LRP1B: variants seen among roughly 807,000 people sequenced by gnomAD.
LRP1B encodes the protein low-density lipoprotein receptor-related protein 1B.
A neutral mutation model predicts 556.6 loss-of-function variants in LRP1B; 217 were observed. The ratio of observed to expected loss-of-function variants is 0.39; its 90% CI spans 0.35 to 0.44. LRP1B has a LOEUF of 0.44. Ranked by LOEUF, LRP1B falls within the 20% of genes least tolerant of loss-of-function variation. The pLI is 1.00. For synonymous variants in LRP1B, 2,047 were observed against 1,865.8 expected, an observed-to-expected ratio of 1.10 and a Z score of -2.50; for missense variants, 5,053 against 5,620.8, an observed-to-expected ratio of 0.90 and a Z score of 3.23.
At chr2:141,539,843 T>G (rs1251903698) in intron 2 of LRP1B, among the ~76,000 whole-genome samples, 1 of 152,182 alleles carries the variant, frequency 6.6e-6, no homozygotes, top group African/African-American at 2.4e-5. Flanking sequence ...ACAAATCTTT[T>G]GACCTTTTTC....
chr2:140,512,867 T>C (rs1229622856), intron 51 of LRP1B, among the ~76,000 whole-genome samples: 2 of 152,128 alleles, frequency 1.3e-5, no homozygotes, highest in African/African-American at 2.4e-5. Flanking sequence ...TGTTCTAAAA[T>C]AGGAGGTTCA....
At chr2:141,995,450 T>C (rs747266681) in intron 1 of LRP1B, among the ~76,000 whole-genome samples, 6 of 152,184 alleles carry the variant, frequency 3.9e-5, no homozygotes, top group East Asian at 1.9e-4. Context: ...GCGGCCCCTG[T>C]GATTACATTG....
At chr2:141,587,831 AAAC>A (rs1687196872) in intron 2 of LRP1B, among the ~76,000 whole-genome samples, 1 of 152,210 alleles carries the variant, frequency 6.6e-6, no homozygotes, top group South Asian at 2.1e-4. Context: ...AAGAAATAAA[AAAC>A]AATACAAGTA....
intron 82 of LRP1B, among the ~76,000 whole-genome samples, chr2:140,315,821 T>G (rs1684497782): frequency 6.6e-6 from 1 of 152,174 alleles, no homozygotes; most frequent in Admixed American, 6.6e-5. Context: ...TAGAGAAATG[T>G]TTACATGAAG....
intron 84 of LRP1B, among the ~76,000 whole-genome samples, chr2:140,293,130 C>T (rs1683460563): frequency 2.0e-5 from 3 of 152,114 alleles, no homozygotes; most frequent in Admixed American, 2.0e-4. Context: ...TTGAAAGTAT[C>T]AGTGAGAGAA....
At chr2:140,761,954 C>A (rs1463072084) in intron 35 of LRP1B, among the ~76,000 whole-genome samples, 1 of 148,698 alleles carries the variant, frequency 6.7e-6, no homozygotes, top group Non-Finnish European at 1.5e-5. Context: ...CATTCTATGA[C>A]AATCATAATG....
At chr2:141,131,938 C>A (rs551382790) in intron 7 of LRP1B, among the ~76,000 whole-genome samples, 1 of 151,704 alleles carries the variant, frequency 6.6e-6, no homozygotes, top group East Asian at 1.9e-4. Flanking sequence ...ACCCATCACC[C>A]GAGCAGTATA....
intron 18 of LRP1B, among the ~76,000 whole-genome samples, 192 bp downstream of exon 18, chr2:140,981,968 C>T (rs1696782979): frequency 6.6e-6 from 1 of 152,134 alleles, no homozygotes; most frequent in South Asian, 2.1e-4. Flanking sequence ...TTCTGCCTCA[C>T]AAATAGGAAT....
chr2:141,254,850 T>C (rs1393563471), intron 3 of LRP1B, among the ~76,000 whole-genome samples: 1 of 152,076 alleles, frequency 6.6e-6, no homozygotes, highest in Non-Finnish European at 1.5e-5. Context: ...CTGTTTGGTC[T>C]CCCGCTTTTT....
chr2:140,375,165 CTGTGTGTATGTGTG>C (rs1198851323), intron 68 of LRP1B, among the ~76,000 whole-genome samples: 2 of 134,714 alleles, frequency 1.5e-5, no homozygotes, highest in Non-Finnish European at 3.2e-5. Context: ...GATTTTTATA[CTGTGTGTATGTGTG>C]TGTGTGTGTG....
At position 140,980,512 on chromosome 2, in the gene LRP1B, C is replaced by T. The variant is rs538509068; in HGVS notation, c.2887+1648G>A. ...GCTTTCTTCCATACCACTGCTGTTG[C>T]CTTCTTTACTATGTCAATTACCACC... On this transcript the variant is annotated intron_variant, in intron 18 of 90. Transcript: ENST00000389484. Among the ~76,000 whole-genome samples, 21 of 152,246 alleles carry T rather than the reference C, an allele frequency of 1.4e-4. No homozygotes were observed. In the South Asian group the frequency reaches 4.4e-3, roughly 32 times the overall value.
At chr2:141,130,080 G>A (rs1374808016) in intron 7 of LRP1B, among the ~76,000 whole-genome samples, 2 of 151,934 alleles carry the variant, frequency 1.3e-5, no homozygotes, top group Non-Finnish European at 2.9e-5. Flanking sequence ...GTTGGCATGG[G>A]AGAGGTTTTA....
At chr2:142,120,055 T>C (rs1378556013) in intron 1 of LRP1B, among the ~76,000 whole-genome samples, 1 of 135,242 alleles carries the variant, frequency 7.4e-6, no homozygotes, top group Non-Finnish European at 1.7e-5. Context: ...CATAAACTCT[T>C]ACCTGGTAGG....
chr2:140,286,799 TATC>T (rs1199983896), intron 84 of LRP1B, among the ~76,000 whole-genome samples: 2 of 151,828 alleles, frequency 1.3e-5, no homozygotes, highest in African/African-American at 4.8e-5. Context: ...GTATATATAT[TATC>T]ATCATAAGCA....
chr2:142,110,680 T>G (rs1228637253), intron 1 of LRP1B, among the ~76,000 whole-genome samples: 3 of 152,178 alleles, frequency 2.0e-5, no homozygotes, highest in Admixed American at 6.6e-5. Flanking sequence ...TTAATTATAT[T>G]CATACAATTG....
intron 3 of LRP1B, among the ~76,000 whole-genome samples, chr2:141,263,911 G>C (rs1015422312): frequency 6.6e-6 from 1 of 151,980 alleles, no homozygotes; most frequent in African/African-American, 2.4e-5. Context: ...CCCAAAAAGC[G>C]TTTAATAAAA....
intron 2 of LRP1B, among the ~76,000 whole-genome samples, chr2:141,498,843 G>A (rs1487386239): frequency 6.6e-6 from 1 of 152,050 alleles, no homozygotes; most frequent in African/African-American, 2.4e-5. Flanking sequence ...TCTATTGTAT[G>A]TGTTTCTGTT....
At chr2:141,703,434 G>A (rs1044015645) in intron 2 of LRP1B, among the ~76,000 whole-genome samples, 4 of 151,770 alleles carry the variant, frequency 2.6e-5, no homozygotes, top group African/African-American at 7.3e-5. Flanking sequence ...CAACGATTAC[G>A]GGTAATTCTC....
At chr2:140,409,683 T>G (rs1482280106) in intron 66 of LRP1B, among the ~76,000 whole-genome samples, 1 of 151,926 alleles carries the variant, frequency 6.6e-6, no homozygotes, top group Non-Finnish European at 1.5e-5. Context: ...TGTAATCTTC[T>G]CAGCAATTCA....
Sources: allele counts gnomAD v4.1 joint callset (sites outside exome capture counted in the v4.1 genomes callset), GRCh38; gene constraint gnomAD v4.1.1; transcripts MANE v1.5; gene names NCBI Gene and HGNC (gene_info 2026-07-23, HGNC 2026-07-21).